HSDL2: variants seen among roughly 807,000 people sequenced by gnomAD.
HSDL2 encodes hydroxysteroid dehydrogenase-like protein 2.
In HSDL2, 27 loss-of-function variants were observed where a neutral mutation model predicts 46.3. The ratio of observed to expected loss-of-function variants is 0.58; its 90% CI spans 0.43 to 0.80. The LOEUF is 0.80. HSDL2 is among the 30% of genes least tolerant of loss of function. HSDL2 has a pLI of 0.00. For synonymous variants in HSDL2, 153 were observed against 163.6 expected, an observed-to-expected ratio of 0.94 and a Z score of 0.50; for missense variants, 451 against 502.7, an observed-to-expected ratio of 0.90 and a Z score of 0.98.
chr9:112,441,520 A>G (rs369913137), intron 7 of HSDL2, among the ~76,000 whole-genome samples, 179 bp from the exon 8 acceptor site: 34 of 152,208 alleles, frequency 2.2e-4, no homozygotes, highest in Non-Finnish European at 2.9e-4. Context: ...GGAGAGAAAG[A>G]TAACTGAATT....
chr9:112,455,589 G>A (rs975699491), intron 9 of HSDL2, among the ~76,000 whole-genome samples: 3 of 152,202 alleles, frequency 2.0e-5, no homozygotes, highest in African/African-American at 4.8e-5. Flanking sequence ...GGGTGGATCT[G>A]TACCAGTAGA....
chr9:112,461,960 AC>A lies in HSDL2; in HGVS notation c.1144+2384del, dbSNP rs1325622719. 2.0e-5 allele frequency among the ~76,000 whole-genome samples: 3 copies of A among 152,362 alleles called. No individual in the cohort carries two copies. The East Asian group carries it at 5.8e-4, about 29-fold the overall frequency. ...TCAGTTATATGAATTATTTAAAAAA[AC>A]AATTATTCTTATCAAGTATATTTTA... On this transcript the variant is annotated intron_variant, in intron 10 of 10. Coordinates refer to ENST00000398805, the MANE Select transcript of HSDL2 (RefSeq NM_032303.5).
rs752146611 is a variant in HSDL2, at chr9:112,470,575, T to C, written c.*31T>C. On this transcript the variant is annotated 3_prime_UTR_variant, in exon 11 of 11. Coordinates refer to ENST00000398805, the MANE Select transcript of HSDL2 (RefSeq NM_032303.5). Reference sequence around the variant, plus strand: ...AATATAAAAAAAAAGTCGACTGCTATGCTCAAAAAGTAAAAAAAGCTCAAC... The same window carrying C: ...AATATAAAAAAAAAGTCGACTGCTACGCTCAAAAAGTAAAAAAAGCTCAAC... 2 of 1,262,704 alleles carry C rather than the reference T, an allele frequency of 1.6e-6. No homozygotes were observed. Among genetic ancestry groups the C allele is most frequent in the East Asian group, 2.4e-5 (1 of 42,162 alleles). 78.2% of individuals were successfully genotyped at this position (1,262,704 alleles called of 1,614,324 possible). A position where few individuals can be genotyped will look rare whatever the true frequency, so the allele number is the denominator to read the frequency against.
At chr9:112,459,798 C>T (rs1833150338) in intron 10 of HSDL2, among the ~76,000 whole-genome samples, 1 of 152,144 alleles carries the variant, frequency 6.6e-6, no homozygotes, top group African/African-American at 2.4e-5. Context: ...TACTGAGAAG[C>T]CAGTAATATA....
At chr9:112,428,848 A>C (rs1432641868) in intron 6 of HSDL2, among the ~76,000 whole-genome samples, 1 of 152,182 alleles carries the variant, frequency 6.6e-6, no homozygotes, top group African/African-American at 2.4e-5. Context: ...CTGAGGTAAC[A>C]AAGTTCTAAC....
At chr9:112,455,962 A>G (rs2132697028) in intron 9 of HSDL2, among the ~76,000 whole-genome samples, 1 of 152,254 alleles carries the variant, frequency 6.6e-6, no homozygotes. Flanking sequence ...ATCTTCCTAA[A>G]ATGCAAAATA....
At chr9:112,395,407 C>T (rs566979124) in intron 1 of HSDL2, among the ~76,000 whole-genome samples, 1 of 152,196 alleles carries the variant, frequency 6.6e-6, no homozygotes, top group East Asian at 1.9e-4. Context: ...ATACCCTCTT[C>T]CCCACGTTAT....
In HSDL2 at chr9:112,467,508, T is replaced by C. The variant is rs10981417; in HGVS notation, c.1145-2924T>C. On this transcript the variant is annotated intron_variant, in intron 10 of 10. Transcript: ENST00000398805. Reference sequence around the variant, plus strand: ...CGTGTTGCGTGGTGGTACACAACATTGTACCTGGACTTAAATGCCACTAAA... The same window carrying C: ...CGTGTTGCGTGGTGGTACACAACATCGTACCTGGACTTAAATGCCACTAAA... Among the ~76,000 whole-genome samples, 699 of 152,310 alleles carry C rather than the reference T, an allele frequency of 4.6e-3. 33 individuals are homozygous for C. The East Asian group carries it at 0.12, about 26-fold the overall frequency.
intron 8 of HSDL2, among the ~76,000 whole-genome samples, chr9:112,443,384 T>C (rs1832681725): frequency 6.6e-6 from 1 of 152,238 alleles, no homozygotes; most frequent in African/African-American, 2.4e-5. Context: ...CCCCTCATTT[T>C]ACAGCTGCAA....
In HSDL2 at chr9:112,471,522, G is replaced by T. The variant is rs1833574122; in HGVS notation, c.*978G>T. 1 of 152,294 alleles carries T rather than the reference G, an allele frequency of 6.6e-6. No homozygotes were observed. Among genetic ancestry groups the T allele is most frequent in the Non-Finnish European group, 1.5e-5 (1 of 68,110 alleles). The allele number at this position is 152,294 out of a possible 1,614,324, so 9.4% of individuals were successfully genotyped here. On this transcript the variant is annotated 3_prime_UTR_variant, in exon 11 of 11. Transcript: ENST00000398805. ...GAAGAAACAAAATCACCAGCACCTT[G>T]ATCTTTGACTTCTAATCTCCAGAAT... is the stretch of plus-strand genomic sequence containing the variant.
intron 10 of HSDL2, among the ~76,000 whole-genome samples, chr9:112,460,963 TA>T (rs1833191364): frequency 6.6e-6 from 1 of 152,182 alleles, no homozygotes; most frequent in South Asian, 2.1e-4. Flanking sequence ...TTAGTGTATA[TA>T]AATATACATG....
At chr9:112,445,539 A>AT (rs1832737866) in intron 8 of HSDL2, among the ~76,000 whole-genome samples, 1 of 146,668 alleles carries the variant, frequency 6.8e-6, no homozygotes, top group Admixed American at 6.7e-5. Flanking sequence ...TTATTTATTT[A>AT]TTTTTTTGAG....
intron 6 of HSDL2, among the ~76,000 whole-genome samples, chr9:112,437,765 G>C (rs1832558967): frequency 6.6e-6 from 1 of 152,214 alleles, no homozygotes; most frequent in Non-Finnish European, 1.5e-5. Context: ...CTGTTATCAG[G>C]AGAATCAATT....
chr9:112,434,219 C>T (rs537221419), intron 6 of HSDL2: 1 of 152,308 alleles, frequency 6.6e-6, no homozygotes, highest in South Asian at 2.1e-4. Flanking sequence ...CAGGAAAGTC[C>T]ACTTTTGGGT....
Position 112,409,810 on chromosome 9 carries a change from G to A in HSDL2, c.395+789G>A, listed in dbSNP as rs1011270812. The stretch of plus-strand genomic sequence containing the variant: ...TGAGGCTACAATGAGCTGTGATCAT[G>A]CCACTGCACTCCAGCCTGGGTAACA... On this transcript the variant is annotated intron_variant, in intron 4 of 10. Coordinates refer to ENST00000398805, the MANE Select transcript of HSDL2 (RefSeq NM_032303.5). 3.3e-5 allele frequency among the ~76,000 whole-genome samples: 5 copies of A among 151,686 alleles called. No homozygotes were observed. The East Asian group carries it at 9.7e-4, about 29-fold the overall frequency.
In HSDL2 at chr9:112,459,541, A is replaced by C; in HGVS notation, c.1108A>C (p.Ser370Arg). 1 of 1,613,812 alleles carries C rather than the reference A, an allele frequency of 6.2e-7. No homozygotes were observed. The highest frequency in any genetic ancestry group is 8.5e-7 in the Non-Finnish European group (1 of 1,179,716). The change falls in exon 10 of 11, where the codon AGT becomes CGT. Residue 370 changes from serine (S) to arginine (R), a missense_variant. Coordinates refer to ENST00000398805, the MANE Select transcript of HSDL2 (RefSeq NM_032303.5). ...EPSDQADVVM[S>R]MTTDDFVKMF... ...TTCTGATCAGGCAGATGTGGTGATG[A>C]GTATGACTACTGATGACTTTGTAAA...
chr9:112,418,871 GC>G lies in HSDL2; in HGVS notation c.512del (p.Ala171ValfsTer79). On this transcript the variant is annotated frameshift_variant, in exon 6 of 11. Coordinates refer to ENST00000398805, the MANE Select transcript of HSDL2 (RefSeq NM_032303.5). LOFTEE classifies it high-confidence loss of function. ...WFKQHCAYTI[A>X]KYGMSMYVLG... ...TGTGGTTCTTTCAGCTTATACCATT[GC>G]TAAGTATGGTATGTCTATGTATGTG... 6.3e-7 allele frequency: 1 copy of G among 1,578,142 alleles called. No homozygotes were observed. Among genetic ancestry groups the G allele is most frequent in the Non-Finnish European group, 8.7e-7 (1 of 1,152,176 alleles).
intron 1 of HSDL2, among the ~76,000 whole-genome samples, chr9:112,402,704 C>T (rs1002558566): frequency 1.3e-5 from 2 of 151,992 alleles, no homozygotes; most frequent in African/African-American, 2.4e-5. Flanking sequence ...GGGTGGATCA[C>T]GAGGTCAGGA....
In HSDL2 at chr9:112,470,478, T is replaced by G. The variant is rs756152882; in HGVS notation, c.1191T>G (p.Ile397Met). 1 of 1,612,028 alleles carries G rather than the reference T, an allele frequency of 6.2e-7. No homozygotes were observed. Among genetic ancestry groups the G allele is most frequent in the Non-Finnish European group, 8.5e-7 (1 of 1,178,860 alleles). The change falls in exon 11 of 11, where the codon ATT (isoleucine) becomes ATG (methionine). Residue 397 changes from isoleucine (I) to methionine (M), a missense_variant. By Grantham distance (10) the Ile-to-Met change is conservative (BLOSUM62 1). Coordinates refer to ENST00000398805, the MANE Select transcript of HSDL2 (RefSeq NM_032303.5). ...CATTCATGTCAGGGAAATTGAAGAT[T>G]AAAGGTAACATGGCCCTAGCAATCA... is the stretch of plus-strand genomic sequence containing the variant. ...TMAFMSGKLKIKGNMALAIKL... is the reference protein window; with the variant it reads ...TMAFMSGKLKMKGNMALAIKL...
Sources: gnomAD v4.1 joint callset for allele counts (sites outside exome capture counted in the v4.1 genomes callset) on GRCh38, gnomAD v4.1.1 for gene constraint, MANE v1.5 for transcripts, NCBI Gene and HGNC (gene_info 2026-07-23, HGNC 2026-07-21) for gene names.